EPS15L1: variants seen among roughly 807,000 people sequenced by gnomAD.
EPS15L1 encodes the protein epidermal growth factor receptor substrate 15-like 1.
A neutral mutation model predicts 117.1 loss-of-function variants in EPS15L1; 43 were observed. The ratio of observed to expected loss-of-function variants is 0.37; its 90% confidence interval spans 0.29 to 0.47. EPS15L1 has a LOEUF of 0.47. Among genes scored for constraint, EPS15L1 ranks in the 20% least tolerant of loss-of-function variants. The pLI is 0.99. For missense variants in EPS15L1, 981 were observed against 1,164.0 expected (o/e 0.84, Z 2.29); for synonymous variants, 459 against 470.5 (o/e 0.98, Z 0.32).
intron 9 of EPS15L1, among the ~76,000 whole-genome samples, chr19:16,421,771 C>T (rs1414851664): frequency 2.0e-5 from 3 of 152,116 alleles, no homozygotes; most frequent in Non-Finnish European, 4.4e-5. Flanking sequence ...GTGAGGGAGG[C>T]TGTGATCTTC....
At chr19:16,406,490 C>G (rs539012168) in intron 13 of EPS15L1, among the ~76,000 whole-genome samples, 1 of 152,308 alleles carries the variant, frequency 6.6e-6, no homozygotes, top group East Asian at 1.9e-4. Context: ...CCCAATGCTC[C>G]GAGCGATGCT....
chr19:16,374,674 T>A lies in EPS15L1; in HGVS notation c.2380+2448A>T, dbSNP rs189392061. Among the ~76,000 whole-genome samples the A allele has an allele frequency of 1.6e-4, 24 of 152,218 alleles. No homozygotes were observed. In the East Asian group the frequency reaches 3.7e-3, roughly 23 times the overall value. ...GGGGAGGCGGGGGTGGCGGTTTCCA[T>A]GAAACACTGAAAATGAAGCTTTGCA... On this transcript the variant is annotated intron_variant, in intron 22 of 23. Transcript: ENST00000455140.
At chr19:16,467,926 G>A (rs567950836) in intron 1 of EPS15L1, among the ~76,000 whole-genome samples, 2 of 152,266 alleles carry the variant, frequency 1.3e-5, no homozygotes, top group South Asian at 4.2e-4. Flanking sequence ...TTGTAAAAGG[G>A]GAATAAAAGC....
At chr19:16,419,508 T>C (rs1387970821) in intron 10 of EPS15L1, among the ~76,000 whole-genome samples, 2 of 151,772 alleles carry the variant, frequency 1.3e-5, no homozygotes, top group East Asian at 1.9e-4. Context: ...AAGGGACCCT[T>C]GTGGAGTAAG....
intron 1 of EPS15L1, among the ~76,000 whole-genome samples, chr19:16,469,714 C>T (rs1706346866): frequency 6.6e-6 from 1 of 152,078 alleles, no homozygotes; most frequent in Admixed American, 6.6e-5. Context: ...ACCCCTCCTC[C>T]CCTAGGCTAG....
intron 13 of EPS15L1, among the ~76,000 whole-genome samples, chr19:16,408,609 G>A (rs1025132573): frequency 6.6e-6 from 1 of 151,310 alleles, no homozygotes; most frequent in African/African-American, 2.4e-5. Flanking sequence ...GCAGTGAGCC[G>A]AGATTGCGCC....
At chr19:16,416,556 G>A (rs1477137553) in intron 12 of EPS15L1, among the ~76,000 whole-genome samples, 1 of 151,802 alleles carries the variant, frequency 6.6e-6, no homozygotes, top group African/African-American at 2.4e-5. Context: ...AAGATCACTT[G>A]AGCCCAGGAG....
chr19:16,394,308 C>T (rs1239723152), intron 17 of EPS15L1, among the ~76,000 whole-genome samples: 1 of 152,170 alleles, frequency 6.6e-6, no homozygotes, highest in Non-Finnish European at 1.5e-5. Flanking sequence ...CTCCTCTCTT[C>T]CCATGCTGGG....
chr19:16,423,986 T>C (rs2092842865), intron 9 of EPS15L1, among the ~76,000 whole-genome samples: 1 of 152,220 alleles, frequency 6.6e-6, no homozygotes, highest in Non-Finnish European at 1.5e-5. Flanking sequence ...CAGAGTATGT[T>C]AGCAGCAAGA....
chr19:16,393,846 T>A, intron 18 of EPS15L1, 105 bp downstream of exon 18: 7 of 1,152,710 alleles, frequency 6.1e-6, no homozygotes, highest in Middle Eastern at 2.1e-4. Context: ...CCCAGTTACA[T>A]GGCTGCCATC....
At chr19:16,457,090 G>C (rs544376033) in intron 1 of EPS15L1, among the ~76,000 whole-genome samples, 16 of 152,188 alleles carry the variant, frequency 1.1e-4, no homozygotes, top group Non-Finnish European at 1.9e-4. Context: ...TCCAGCAGCA[G>C]AACTCCAGCA....
intron 21 of EPS15L1, among the ~76,000 whole-genome samples, chr19:16,380,375 G>A (rs1013327663): frequency 3.9e-5 from 6 of 151,928 alleles, no homozygotes; most frequent in South Asian, 2.1e-4. Context: ...AGACACAGCC[G>A]TCTAAGATTT....
chr19:16,421,080 C>T (rs1342433632), intron 10 of EPS15L1, among the ~76,000 whole-genome samples: 31 of 152,362 alleles, frequency 2.0e-4, no homozygotes, highest in Non-Finnish European at 1.6e-4. Context: ...GCACTTAAGA[C>T]GGACCAGAGG....
intron 17 of EPS15L1, among the ~76,000 whole-genome samples, 153 bp from the exon 18 acceptor site, chr19:16,394,154 G>A (rs1281596516): frequency 6.6e-6 from 1 of 151,992 alleles, no homozygotes; most frequent in African/African-American, 2.4e-5. Context: ...CTATCCACCT[G>A]CCCTCAAAAC....
chr19:16,463,395 C>G (rs1320569389), intron 1 of EPS15L1, among the ~76,000 whole-genome samples: 2 of 152,116 alleles, frequency 1.3e-5, no homozygotes, highest in Non-Finnish European at 2.9e-5. Flanking sequence ...ACCCCCAGCC[C>G]TTTCTACTCT....
intron 22 of EPS15L1, 120 bp downstream of exon 22, chr19:16,377,002 G>T: frequency 7.7e-7 from 1 of 1,302,014 alleles, no homozygotes; most frequent in South Asian, 1.5e-5. Flanking sequence ...GGACCCTCTT[G>T]CTCCCCACAC....
chr19:16,428,500 GGA>G (rs1178688061), intron 8 of EPS15L1, among the ~76,000 whole-genome samples, 200 bp downstream of exon 8: 32 of 109,102 alleles, frequency 2.9e-4, no homozygotes, highest in South Asian at 6.3e-4. Flanking sequence ...AGGGAGGGAG[GGA>G]GAGAGAGAGA....
At chr19:16,419,423 C>T (rs186997962) in intron 10 of EPS15L1, among the ~76,000 whole-genome samples, 8 of 151,978 alleles carry the variant, frequency 5.3e-5, no homozygotes, top group East Asian at 1.9e-4. Flanking sequence ...TGCGCCAATG[C>T]GCTCCAGCCT....
intron 7 of EPS15L1, among the ~76,000 whole-genome samples, chr19:16,433,962 CATAAATAA>C (rs56900530): frequency 0.014 from 2,123 of 148,960 alleles, 44 homozygotes; most frequent in African/African-American, 0.048. Context: ...GACTCCATCT[CATAAATAA>C]ATAAATAAAT....
Sources: gnomAD v4.1 joint callset for allele counts (sites outside exome capture counted in the v4.1 genomes callset) on GRCh38, gnomAD v4.1.1 for gene constraint, MANE v1.5 for transcripts, NCBI Gene and HGNC (gene_info 2026-07-23, HGNC 2026-07-21) for gene names.